The following PPP1R3B variants were observed in gnomAD, a reference collection of about 807,000 sequenced individuals.
PPP1R3B encodes the protein PP1 subunit R4.
PPP1R3B carries 8 observed loss-of-function variants against 14.6 expected under a neutral mutation model. The ratio of observed to expected loss-of-function variants is 0.55; its 90% CI spans 0.32 to 0.99. The LOEUF is 0.99. Among genes scored for constraint, PPP1R3B ranks in the 50% least tolerant of loss-of-function variants. The pLI is 0.04. For synonymous variants in PPP1R3B, 169 were observed against 142.0 expected (o/e 1.19, Z -1.35); for missense variants, 452 against 360.1 (o/e 1.26, Z -2.07).
rs1240500437 is a variant in PPP1R3B at position 9,139,771 on chromosome 8, G to T, written c.*1023C>A. On this transcript the variant is annotated 3_prime_UTR_variant, in exon 2 of 2. Coordinates refer to ENST00000310455, the MANE Select transcript of PPP1R3B (RefSeq NM_024607.4). ...TCACCGTGTTAGCCAGGATGGTCTC[G>T]ATCTCCTGACCTCGTGATCCACCTG... 1 of 151,988 alleles carries T rather than the reference G, an allele frequency of 6.6e-6. No individual in the cohort carries two copies. Among genetic ancestry groups the T allele is most frequent in the African/African-American group, 2.4e-5 (1 of 41,332 alleles). The allele number at this position is 151,988 out of a possible 1,614,324, so 9.4% of individuals were successfully genotyped here.
chr8:9,148,439 G>A (rs980139141), intron 1 of PPP1R3B, among the ~76,000 whole-genome samples: 2 of 152,192 alleles, frequency 1.3e-5, no homozygotes, highest in African/African-American at 2.4e-5. Context: ...CATGAGAGCA[G>A]GACTCAGGAT....
rs1800900282 is a variant in PPP1R3B, at chr8:9,136,661, T to C, written c.*4133A>G. 6.6e-6 allele frequency: 1 copy of C among 152,244 alleles called. No individual in the cohort carries two copies. Among genetic ancestry groups the C allele is most frequent in the Non-Finnish European group, 1.5e-5 (1 of 68,038 alleles). The allele number at this position is 152,244 out of a possible 1,614,324, so 9.4% of individuals were successfully genotyped here. On this transcript the variant is annotated 3_prime_UTR_variant, in exon 2 of 2. Transcript: ENST00000310455. ...CCCAGTTCCACATGTGTTGTCTCAC[T>C]GCAGGAAATTAAGATAAGCTGCCAA...
At position 9,141,301 on chromosome 8, in the gene PPP1R3B, G is replaced by A. The variant is rs1469247281; in HGVS notation, c.351C>T (p.Pro117=). 3 of 1,614,154 alleles carry A rather than the reference G, an allele frequency of 1.9e-6. No individual in the cohort carries two copies. The change falls in exon 2 of 2, where the codon CCC becomes CCT. Residue 117 remains proline, a synonymous_variant. Coordinates refer to ENST00000310455, the MANE Select transcript of PPP1R3B (RefSeq NM_024607.4). The part of the protein sequence containing the change: ...SESFVLDFSQ[P]SADYLDFRNR... ...TTCTAAAGTCTAAGTAATCTGCAGAGGGCTGGGAAAAATCCAGAACAAAGC... is the reference window on the plus strand; with the variant it reads ...TTCTAAAGTCTAAGTAATCTGCAGAAGGCTGGGAAAAATCCAGAACAAAGC...
chr8:9,137,418 C>G lies in PPP1R3B; in HGVS notation c.*3376G>C, dbSNP rs915026944. 6 of 152,110 alleles carry G rather than the reference C, an allele frequency of 3.9e-5. No homozygotes were observed. The highest frequency in any genetic ancestry group is 3.9e-4 in the Admixed American group (6 of 15,268). 9.4% of individuals were successfully genotyped at this position (152,110 alleles called of 1,614,324 possible). A position where few individuals can be genotyped will look rare whatever the true frequency, so the allele number is the denominator to read the frequency against. The stretch of plus-strand genomic sequence containing the variant: ...TGGGAAAGATTCTGGGACTCGGGGG[C>G]CACTTGTAACCATAACCAAGAGCTG... On this transcript the variant is annotated 3_prime_UTR_variant, in exon 2 of 2. Transcript: ENST00000310455.
intron 1 of PPP1R3B, 98 bp from the exon 2 acceptor site, chr8:9,141,766 T>G (rs1353893514): frequency 5.9e-6 from 7 of 1,188,900 alleles, no homozygotes; most frequent in Non-Finnish European, 8.1e-6. Flanking sequence ...TGGCAAACAA[T>G]ATTTCCTTTT....
At chr8:9,141,693 A>G in intron 1 of PPP1R3B, 25 bp from the exon 2 acceptor site, 1 of 1,590,438 alleles carries the variant, frequency 6.3e-7, no homozygotes, top group Admixed American at 1.7e-5. Flanking sequence ...AGGGAAGAGA[A>G]GAAAGAAAAC....
chr8:9,144,088 C>G (rs1037059040), intron 1 of PPP1R3B, among the ~76,000 whole-genome samples: 1 of 151,322 alleles, frequency 6.6e-6, no homozygotes, highest in African/African-American at 2.4e-5. Context: ...GCAAAATGTT[C>G]AACCTTATTA....
intron 1 of PPP1R3B, chr8:9,142,315 T>G (rs904464404): frequency 6.6e-6 from 1 of 152,650 alleles, no homozygotes; most frequent in Non-Finnish European, 1.5e-5. Context: ...CAGGCTGGTC[T>G]CACACTCCTG....
chr8:9,137,171 A>AT lies in PPP1R3B; in HGVS notation c.*3622dup, dbSNP rs1800916082. On this transcript the variant is annotated 3_prime_UTR_variant, in exon 2 of 2. Coordinates refer to ENST00000310455, the MANE Select transcript of PPP1R3B (RefSeq NM_024607.4). ...ATTTCTCACCAGCTCCAGTAGAATA[A>AT]TTTTTTAAATAAAGAAACCCACTCA... 6.6e-6 allele frequency: 1 copy of AT among 152,218 alleles called. No homozygotes were observed. The allele number at this position is 152,218 out of a possible 1,614,324, so 9.4% of individuals were successfully genotyped here.
At position 9,140,732 on chromosome 8, in the gene PPP1R3B, GCA is replaced by G. The variant is rs1238050273; in HGVS notation, c.*60_*61del. On this transcript the variant is annotated 3_prime_UTR_variant, in exon 2 of 2. Transcript: ENST00000310455. ...TCCTCCCTGGCCTTCCATCTCCACT[GCA>G]CAGTGAGCAGAGCTAGGCTTGTCTG... 5.1e-6 allele frequency: 8 copies of G among 1,571,260 alleles called. No individual in the cohort carries two copies. The highest frequency in any genetic ancestry group is 6.9e-6 in the Non-Finnish European group (8 of 1,153,924).
chr8:9,143,203 A>T (rs1040918665), intron 1 of PPP1R3B, among the ~76,000 whole-genome samples: 2 of 152,128 alleles, frequency 1.3e-5, no homozygotes, highest in Admixed American at 6.5e-5. Context: ...TAGCCATCCT[A>T]ACGGGTGTGA....
rs1197705781 is a variant in PPP1R3B at position 9,150,628 on chromosome 8, G to C, written c.-83C>G. 3 of 152,432 alleles carry C rather than the reference G, an allele frequency of 2.0e-5. No homozygotes were observed. Among genetic ancestry groups the C allele is most frequent in the Non-Finnish European group, 2.9e-5 (2 of 68,180 alleles). The allele number at this position is 152,432 out of a possible 1,614,324, so 9.4% of individuals were successfully genotyped here. On this transcript the variant is annotated 5_prime_UTR_variant, in exon 1 of 2. Transcript: ENST00000310455. The stretch of plus-strand genomic sequence containing the variant: ...CGCATCGGAGAGCCCGCAGGGTTGT[G>C]GCAAGCGCGACTACGTGAGCGTCGG...
chr8:9,146,994 T>G (rs999968287), intron 1 of PPP1R3B, among the ~76,000 whole-genome samples: 1 of 152,130 alleles, frequency 6.6e-6, no homozygotes, highest in African/African-American at 2.4e-5. Flanking sequence ...TTAATTTTTT[T>G]TTTTTCGAGA....
At chr8:9,144,901 A>G (rs369948281) in intron 1 of PPP1R3B, among the ~76,000 whole-genome samples, 33 of 152,020 alleles carry the variant, frequency 2.2e-4, no homozygotes, top group African/African-American at 8.0e-4. Flanking sequence ...GTCTGCCACC[A>G]CGCCCAGCTA....
chr8:9,136,993 C>A lies in PPP1R3B; in HGVS notation c.*3801G>T, dbSNP rs963323969. 6.6e-6 allele frequency: 1 copy of A among 152,250 alleles called. No homozygotes were observed. Among genetic ancestry groups the A allele is most frequent in the Non-Finnish European group, 1.5e-5 (1 of 68,004 alleles). The allele number at this position is 152,250 out of a possible 1,614,324, so 9.4% of individuals were successfully genotyped here. A position where few individuals can be genotyped will look rare whatever the true frequency, so the allele number is the denominator to read the frequency against. On this transcript the variant is annotated 3_prime_UTR_variant, in exon 2 of 2. Transcript: ENST00000310455. ...CAAAAAGAAAATGGTTTGAAAAGAT[C>A]AAAACCACAGAGCAATCTCCTAACA...
intron 1 of PPP1R3B, 116 bp downstream of exon 1, chr8:9,150,447 A>G (rs1801387393): frequency 6.6e-6 from 1 of 152,626 alleles, no homozygotes; most frequent in Admixed American, 6.5e-5. Context: ...AGTGCTCTCC[A>G]GGCTGGAGGA....
At chr8:9,145,117 A>T (rs956782501) in intron 1 of PPP1R3B, 7 of 151,898 alleles carry the variant, frequency 4.6e-5, no homozygotes, top group African/African-American at 7.3e-5. Flanking sequence ...TGAAAAAAAA[A>T]TATTATATAT....
chr8:9,141,526 G>C lies in PPP1R3B; in HGVS notation c.126C>G (p.Ser42Arg). ...KPLRPCIQLS[S>R]KNEASGMVAP... ...CCACCATTCCACTGGCTTCATTCTT[G>C]CTGCTCAGCTGAATACAAGGCCTCA... The change falls in exon 2 of 2, where the codon AGC becomes AGG. Residue 42 changes from serine (S) to arginine (R), a missense_variant. Transcript: ENST00000310455. 3 of 1,614,144 alleles carry C rather than the reference G, an allele frequency of 1.9e-6. No individual in the cohort carries two copies. The highest frequency in any genetic ancestry group is 2.5e-6 in the Non-Finnish European group (3 of 1,180,044).
chr8:9,145,581 A>C (rs903968492), intron 1 of PPP1R3B: 3 of 152,196 alleles, frequency 2.0e-5, no homozygotes, highest in Non-Finnish European at 4.4e-5. Flanking sequence ...TTGGGGAGTC[A>C]AAAGTTATAT....
Sources: gnomAD v4.1 joint callset for allele counts (sites outside exome capture counted in the v4.1 genomes callset) on GRCh38, gnomAD v4.1.1 for gene constraint, MANE v1.5 for transcripts, NCBI Gene and HGNC (gene_info 2026-07-23, HGNC 2026-07-21) for gene names.